The following CDS1 variants were observed in gnomAD, a reference collection of about 807,000 sequenced individuals.
The protein encoded by CDS1 is CDP-diacylglycerol synthase 1.
In CDS1, 41 loss-of-function variants were observed where a neutral mutation model predicts 62.1. That is an observed-to-expected ratio of 0.66 (90% CI 0.51 to 0.86). CDS1 has a LOEUF of 0.86. CDS1 is among the 40% of genes least tolerant of loss of function. The pLI is 0.00. For synonymous variants in CDS1, 185 were observed against 192.6 expected (o/e 0.96, Z 0.32); for missense variants, 470 against 550.1 (o/e 0.85, Z 1.46).
At chr4:84,645,617 G>C (rs1724533353) in intron 12 of CDS1, among the ~76,000 whole-genome samples, 1 of 152,116 alleles carries the variant, frequency 6.6e-6, no homozygotes, top group Admixed American at 6.5e-5. Flanking sequence ...TCTCAACTGT[G>C]GGCATTGCAA....
At chr4:84,583,834 G>GA (rs1224709311) in intron 1 of CDS1, among the ~76,000 whole-genome samples, 1 of 152,138 alleles carries the variant, frequency 6.6e-6, no homozygotes, top group Non-Finnish European at 1.5e-5. Context: ...AATCAGGAGG[G>GA]AACCTGTCCT....
intron 5 of CDS1, among the ~76,000 whole-genome samples, chr4:84,625,755 TGAA>T (rs1352279015): frequency 6.6e-6 from 1 of 151,686 alleles, no homozygotes; most frequent in Non-Finnish European, 1.5e-5. Context: ...TGTAATTAAA[TGAA>T]GTAGGTTGGG....
chr4:84,616,667 G>A (rs10020892), intron 3 of CDS1, among the ~76,000 whole-genome samples: 3,081 of 152,276 alleles, frequency 0.02, 109 homozygotes, highest in African/African-American at 0.07. Context: ...CTAGTCTGCT[G>A]TATTCACAAA....
rs1722302708 is a variant in CDS1 at position 84,583,224 on chromosome 4, G to T, written c.-178G>T. 24 of 536,376 alleles carry T rather than the reference G, an allele frequency of 4.5e-5. No homozygotes were observed. In the South Asian group the frequency reaches 5.5e-4, roughly 12 times the overall value. The allele number at this position is 536,376 out of a possible 1,614,324, so 33.2% of individuals were successfully genotyped here. On this transcript the variant is annotated 5_prime_UTR_variant, in exon 1 of 13. Transcript: ENST00000295887. ...CCTCGAGCGCTCTCTCGTTGATGCC[G>T]TTTTGGAGGTGACCGGCGCGGCGGC...
chr4:84,585,168 A>G (rs1722376677), intron 1 of CDS1, among the ~76,000 whole-genome samples: 1 of 152,212 alleles, frequency 6.6e-6, no homozygotes, highest in Non-Finnish European at 1.5e-5. Flanking sequence ...GACTCATTAG[A>G]ACTGTTGTCT....
intron 8 of CDS1, among the ~76,000 whole-genome samples, chr4:84,637,672 T>C (rs1178647096): frequency 3.3e-5 from 5 of 152,222 alleles, no homozygotes; most frequent in South Asian, 2.1e-4. Flanking sequence ...AAGGCTGTTA[T>C]AGCTGTGGAA....
chr4:84,605,389 C>T (rs778239039), intron 2 of CDS1, among the ~76,000 whole-genome samples: 1 of 151,238 alleles, frequency 6.6e-6, no homozygotes, highest in Non-Finnish European at 1.5e-5. Flanking sequence ...TCATAGCCTG[C>T]GATCTGAAAA....
intron 2 of CDS1, among the ~76,000 whole-genome samples, chr4:84,608,126 C>T (rs1723188467): frequency 1.3e-5 from 2 of 152,192 alleles, no homozygotes; most frequent in Admixed American, 1.3e-4. Context: ...GCTGGTGTAC[C>T]AGCAGGAAAG....
chr4:84,630,602 TC>T (rs1376440837), intron 5 of CDS1, among the ~76,000 whole-genome samples: 1 of 152,180 alleles, frequency 6.6e-6, no homozygotes, highest in Non-Finnish European at 1.5e-5. Context: ...CAGAAATTGA[TC>T]AACTGAAAAT....
At position 84,650,525 on chromosome 4, in the gene CDS1, AC is replaced by A. The variant is rs1258923637; in HGVS notation, c.*1840del. 3.9e-5 allele frequency: 6 copies of A among 152,250 alleles called. No homozygotes were observed. Among genetic ancestry groups the A allele is most frequent in the African/African-American group, 1.4e-4 (6 of 41,470 alleles). The allele number at this position is 152,250 out of a possible 1,614,324, so 9.4% of individuals were successfully genotyped here. The stretch of plus-strand genomic sequence containing the variant: ...TAAAATGAAAATTTTATAAGAACTT[AC>A]ATTAAAAACTCAGTAGTTTGCATGA... On this transcript the variant is annotated 3_prime_UTR_variant, in exon 13 of 13. Coordinates refer to ENST00000295887, the MANE Select transcript of CDS1 (RefSeq NM_001263.4).
intron 8 of CDS1, among the ~76,000 whole-genome samples, chr4:84,635,692 C>CCT (rs1724183007): frequency 5.0e-5 from 4 of 80,680 alleles, no homozygotes; most frequent in African/African-American, 1.5e-4. Context: ...CCTTCCTTCC[C>CCT]TCCTTCCCTC....
chr4:84,632,192 A>G (rs1056310448), intron 6 of CDS1, among the ~76,000 whole-genome samples: 3 of 152,164 alleles, frequency 2.0e-5, no homozygotes, highest in African/African-American at 7.2e-5. Context: ...CTGGACAGTT[A>G]CTATGTCTGA....
In CDS1 at chr4:84,651,258, C is replaced by G. The variant is rs1724724553; in HGVS notation, c.*2572C>G. 1 of 152,170 alleles carries G rather than the reference C, an allele frequency of 6.6e-6. No individual in the cohort carries two copies. The highest frequency in any genetic ancestry group is 1.5e-5 in the Non-Finnish European group (1 of 68,028). The allele number at this position is 152,170 out of a possible 1,614,324, so 9.4% of individuals were successfully genotyped here. A position where few individuals can be genotyped will look rare whatever the true frequency, so the allele number is the denominator to read the frequency against. Reference sequence around the variant, plus strand: ...TATATTTAGGGTATATGGGTGATAGCTTATGATGTGTGTCAATCAGTTCTC... The same window carrying G: ...TATATTTAGGGTATATGGGTGATAGGTTATGATGTGTGTCAATCAGTTCTC... On this transcript the variant is annotated 3_prime_UTR_variant, in exon 13 of 13. Transcript: ENST00000295887.
chr4:84,619,223 T>A (rs1723597298), intron 4 of CDS1, among the ~76,000 whole-genome samples, 171 bp from the exon 5 acceptor site: 1 of 152,222 alleles, frequency 6.6e-6, no homozygotes, highest in Non-Finnish European at 1.5e-5. Flanking sequence ...ATCAATAAAT[T>A]TGAAATTAAG....
intron 1 of CDS1, among the ~76,000 whole-genome samples, chr4:84,590,178 G>A (rs72947541): frequency 0.034 from 5,125 of 152,296 alleles, 285 homozygotes; most frequent in African/African-American, 0.12. Context: ...ACAATTTGGG[G>A]TTAGTAGATA....
chr4:84,591,623 C>T (rs1000029003), intron 1 of CDS1, among the ~76,000 whole-genome samples: 6 of 152,170 alleles, frequency 3.9e-5, no homozygotes, highest in African/African-American at 1.4e-4. Context: ...CTTGCTTATA[C>T]TTAATATCAA....
Position 84,583,288 on chromosome 4 carries a change from CG to C in CDS1, c.-111del. The C allele has an allele frequency of 2.9e-6, 2 of 700,764 alleles. No individual in the cohort carries two copies. Among genetic ancestry groups the C allele is most frequent in the Non-Finnish European group, 4.7e-6 (2 of 422,264 alleles). 43.4% of individuals were successfully genotyped at this position (700,764 alleles called of 1,614,324 possible). A position where few individuals can be genotyped will look rare whatever the true frequency, so the allele number is the denominator to read the frequency against. On this transcript the variant is annotated 5_prime_UTR_variant, in exon 1 of 13. Coordinates refer to ENST00000295887, the MANE Select transcript of CDS1 (RefSeq NM_001263.4). ...GGCCGCGTTAGTGGCTGCGGCTCCG[CG>C]GGACTCCAGGGCGCGGCTGCGAGGT...
At chr4:84,624,573 A>T (rs1227367329) in intron 5 of CDS1, among the ~76,000 whole-genome samples, 1 of 152,104 alleles carries the variant, frequency 6.6e-6, no homozygotes, top group Non-Finnish European at 1.5e-5. Flanking sequence ...GCACATCTAC[A>T]TCTATCATTG....
intron 2 of CDS1, among the ~76,000 whole-genome samples, chr4:84,606,794 C>G (rs1355095583): frequency 6.6e-6 from 1 of 152,150 alleles, no homozygotes; most frequent in East Asian, 1.9e-4. Context: ...AATCCTCCCA[C>G]CTCAGCCACC....
Sources: allele counts gnomAD v4.1 joint callset (sites outside exome capture counted in the v4.1 genomes callset), GRCh38; gene constraint gnomAD v4.1.1; transcripts MANE v1.5; gene names NCBI Gene and HGNC (gene_info 2026-07-23, HGNC 2026-07-21).